DGKH: variants seen among roughly 807,000 people sequenced by gnomAD.
DGKH encodes the protein DAG kinase eta.
Under a neutral mutation model 159.3 loss-of-function variants are expected in DGKH, and 90 were observed. The observed-to-expected ratio is 0.57, with a 90% CI of 0.48 to 0.67. The LOEUF (loss-of-function observed/expected upper bound fraction) is 0.67, where lower values mean the gene tolerates loss of function less well. Ranked by LOEUF, DGKH falls within the 30% of genes least tolerant of loss-of-function variation. The pLI is 0.00. For missense variants in DGKH, 1,181 were observed against 1,506.1 expected (o/e 0.78, Z 3.57); for synonymous variants, 536 against 553.8 (o/e 0.97, Z 0.45).
chr13:42,209,993 ATTT>A lies in DGKH; in HGVS notation c.2850+545_2850+547del, dbSNP rs34470988. On this transcript the variant is annotated intron_variant, in intron 23 of 29. Transcript: ENST00000337343. Reference sequence around the variant, plus strand: ...TTACCCTTACTCCTGGCAATCATTGATTTTTTTTTTTTTTTTTTTACTGTCTCT... The same window carrying A: ...TTACCCTTACTCCTGGCAATCATTGATTTTTTTTTTTTTTTTACTGTCTCT... Among the ~76,000 whole-genome samples the A allele has an allele frequency of 7.8e-3, 1,036 of 132,744 alleles. 11 individuals are homozygous for A. The highest frequency in any genetic ancestry group is 0.019 in the African/African-American group (667 of 34,770). 87.1% of individuals were successfully genotyped at this position (132,744 alleles called of 152,430 possible).
At chr13:42,138,862 A>G (rs1414539078) in intron 3 of DGKH, among the ~76,000 whole-genome samples, 1 of 152,164 alleles carries the variant, frequency 6.6e-6, no homozygotes, top group African/African-American at 2.4e-5. Context: ...TGCCATATTA[A>G]TGCAATTTAA....
At chr13:42,041,961 TTTTTC>T (rs1880536768) in intron 1 of DGKH, among the ~76,000 whole-genome samples, 2 of 152,208 alleles carry the variant, frequency 1.3e-5, no homozygotes, top group South Asian at 4.1e-4. Flanking sequence ...TTGGCTGTCC[TTTTTC>T]TTTTCTAGTA....
Position 42,069,300 on chromosome 13 carries a change from A to G in DGKH, c.192+20335A>G, listed in dbSNP as rs749133283. The G allele has an allele frequency of 6.3e-6, 7 of 1,110,616 alleles. No individual in the cohort carries two copies. The South Asian group carries it at 7.3e-5, about 12-fold the overall frequency. The allele number at this position is 1,110,616 out of a possible 1,614,324, so 68.8% of individuals were successfully genotyped here. ...GAGAAAACAGTTCTCCCCATCACTCACAAACTGGCTGTCCCAAGAAGATGG... is the reference window on the plus strand; with the variant it reads ...GAGAAAACAGTTCTCCCCATCACTCGCAAACTGGCTGTCCCAAGAAGATGG... On this transcript the variant is annotated intron_variant, in intron 1 of 29. Transcript: ENST00000337343.
intron 12 of DGKH, 107 bp from the exon 13 acceptor site, chr13:42,178,027 TG>T: frequency 1.7e-6 from 1 of 596,718 alleles, no homozygotes; most frequent in Non-Finnish European, 2.7e-6. Flanking sequence ...TTATAGTGAT[TG>T]CCTTGCCTAA....
Position 42,214,543 on chromosome 13 carries a change from G to A in DGKH, c.3051G>A (p.Glu1017=). The part of the protein sequence containing the change: ...CDAATIHCLL[E]QELAHAVNAC... ...CAGCCACAATTCACTGTCTTTTGGAGCAAGAACTGGCCCATGCTGTGAATG... is the reference window on the plus strand; with the variant it reads ...CAGCCACAATTCACTGTCTTTTGGAACAAGAACTGGCCCATGCTGTGAATG... Residue 1017 remains glutamate (E), a synonymous_variant, in exon 25 of 30, where the codon GAG becomes GAA. Coordinates refer to ENST00000337343, the MANE Select transcript of DGKH (RefSeq NM_178009.5). 1.2e-6 allele frequency: 2 copies of A among 1,613,244 alleles called. No individual in the cohort carries two copies. Among genetic ancestry groups the A allele is most frequent in the East Asian group, 2.2e-5 (1 of 44,858 alleles).
chr13:42,240,537 G>A lies in DGKH; in HGVS notation c.*11349G>A, dbSNP rs1006369539. The stretch of plus-strand genomic sequence containing the variant: ...ACTGATTACCTACAGACAATAATGA[G>A]ACTTCAGAAAGAATCAAAAGCAATA... On this transcript the variant is annotated 3_prime_UTR_variant, in exon 30 of 30. Coordinates refer to ENST00000337343, the MANE Select transcript of DGKH (RefSeq NM_178009.5). 8 of 152,082 alleles carry A rather than the reference G, an allele frequency of 5.3e-5. No homozygotes were observed. The highest frequency in any genetic ancestry group is 1.9e-4 in the African/African-American group (8 of 41,406). 9.4% of individuals were successfully genotyped at this position (152,082 alleles called of 1,614,324 possible).
At position 42,060,922 on chromosome 13, in the gene DGKH, A is replaced by G. The variant is rs536025778; in HGVS notation, c.192+11957A>G. Reference sequence around the variant, plus strand: ...TGATTTAACTGTTTTTGAAGTGGCTATGTTGTCTGGGGTATATACCCTGGG... The same window carrying G: ...TGATTTAACTGTTTTTGAAGTGGCTGTGTTGTCTGGGGTATATACCCTGGG... On this transcript the variant is annotated intron_variant, in intron 1 of 29. Coordinates refer to ENST00000337343, the MANE Select transcript of DGKH (RefSeq NM_178009.5). 7.9e-5 allele frequency among the ~76,000 whole-genome samples: 12 copies of G among 152,228 alleles called. No homozygotes were observed. The East Asian group carries it at 1.2e-3, about 15-fold the overall frequency.
At chr13:42,127,121 A>T (rs1271884734) in intron 1 of DGKH, among the ~76,000 whole-genome samples, 2 of 152,124 alleles carry the variant, frequency 1.3e-5, no homozygotes, top group African/African-American at 4.8e-5. Flanking sequence ...TGGCTCCAGG[A>T]CCTCTGCTCT....
At position 42,215,676 on chromosome 13, in the gene DGKH, A is replaced by G; in HGVS notation, c.3213+9A>G. On this transcript the variant is annotated intron_variant, in intron 26 of 29. Transcript: ENST00000337343. The stretch of plus-strand genomic sequence containing the variant: ...TTGGCAGGGTTCCTTTGGTAAGGAA[A>G]AGAATGACTGGTAACATAAGAATGA... 1 of 1,601,916 alleles carries G rather than the reference A, an allele frequency of 6.2e-7. No homozygotes were observed. Among genetic ancestry groups the G allele is most frequent in the Non-Finnish European group, 8.5e-7 (1 of 1,171,418 alleles).
intron 1 of DGKH, among the ~76,000 whole-genome samples, chr13:42,103,041 GCA>G (rs1954681016): frequency 2.0e-5 from 3 of 152,354 alleles, no homozygotes; most frequent in Non-Finnish European, 4.4e-5. Context: ...AAGAGAAGCA[GCA>G]GGAATTAAGT....
In DGKH at chr13:42,220,696, G is replaced by A. The variant is rs1210397393; in HGVS notation, c.3443-568G>A. On this transcript the variant is annotated intron_variant, in intron 28 of 29. Coordinates refer to ENST00000337343, the MANE Select transcript of DGKH (RefSeq NM_178009.5). ...AACGTAATCCAACTAATGTCAGAGA[G>A]CAGTGCTATGGACTTTTTAAATGAT... 2.0e-5 allele frequency among the ~76,000 whole-genome samples: 3 copies of A among 152,188 alleles called. No homozygotes were observed. In the East Asian group the frequency reaches 5.8e-4, roughly 29 times the overall value.
chr13:42,212,650 C>T (rs187754250), intron 24 of DGKH, among the ~76,000 whole-genome samples: 1 of 152,316 alleles, frequency 6.6e-6, no homozygotes, highest in Admixed American at 6.5e-5. Context: ...TGAAATCAGG[C>T]TCACTTGTCT....
At chr13:42,100,450 C>CT (rs1235962365) in intron 1 of DGKH, among the ~76,000 whole-genome samples, 1 of 152,230 alleles carries the variant, frequency 6.6e-6, no homozygotes, top group East Asian at 1.9e-4. Flanking sequence ...AAACCACCCC[C>CT]TCCACCCCCG....
chr13:42,051,147 A>G (rs1159059327), intron 1 of DGKH, among the ~76,000 whole-genome samples: 1 of 152,236 alleles, frequency 6.6e-6, no homozygotes, highest in African/African-American at 2.4e-5. Context: ...CTGACTTTCT[A>G]ATAAAAACAT....
At chr13:42,175,006 A>T (rs1401945157) in intron 12 of DGKH, among the ~76,000 whole-genome samples, 2 of 152,238 alleles carry the variant, frequency 1.3e-5, no homozygotes, top group African/African-American at 4.8e-5. Flanking sequence ...ATTCTGATTA[A>T]ACCTCAAAGC....
chr13:42,115,950 A>G (rs1223557155), intron 1 of DGKH, among the ~76,000 whole-genome samples: 1 of 152,242 alleles, frequency 6.6e-6, no homozygotes, highest in Non-Finnish European at 1.5e-5. Context: ...AGGAGTGGAA[A>G]GGGATGGATT....
At position 42,199,960 on chromosome 13, in the gene DGKH, A is replaced by T. The variant is rs183890632; in HGVS notation, c.2493+51A>T. Reference sequence around the variant, plus strand: ...TTTCATATTATCTTACTTAAAAAAAATATCGTTTTGGAGCTAATTTGACCT... The same window carrying T: ...TTTCATATTATCTTACTTAAAAAAATTATCGTTTTGGAGCTAATTTGACCT... On this transcript the variant is annotated intron_variant, in intron 20 of 29. Coordinates refer to ENST00000337343, the MANE Select transcript of DGKH (RefSeq NM_178009.5). The T allele has an allele frequency of 5.5e-6, 8 of 1,445,982 alleles. No individual in the cohort carries two copies. The East Asian group carries it at 1.7e-4, about 30-fold the overall frequency. 89.6% of individuals were successfully genotyped at this position (1,445,982 alleles called of 1,614,324 possible). A position where few individuals can be genotyped will look rare whatever the true frequency, so the allele number is the denominator to read the frequency against.
intron 1 of DGKH, among the ~76,000 whole-genome samples, chr13:42,088,410 A>G (rs7336404): frequency 1.3e-5 from 2 of 151,988 alleles, no homozygotes; most frequent in Admixed American, 1.3e-4. Context: ...AGGATAATCA[A>G]CTTTTTAAAG....
intron 13 of DGKH, chr13:42,181,670 G>T: frequency 2.5e-6 from 1 of 393,646 alleles, no homozygotes. Flanking sequence ...CTCTGTTTAA[G>T]CCACCCCATT....
Sources: gnomAD v4.1 joint callset for allele counts (sites outside exome capture counted in the v4.1 genomes callset) on GRCh38, gnomAD v4.1.1 for gene constraint, MANE v1.5 for transcripts, NCBI Gene and HGNC (gene_info 2026-07-23, HGNC 2026-07-21) for gene names.